The following AQR variants were observed in gnomAD, a reference collection of about 807,000 sequenced individuals.
AQR encodes RNA helicase aquarius.
AQR carries 61 observed loss-of-function variants against 180.5 expected under a neutral mutation model. The observed-to-expected ratio is 0.34, with a 90% CI of 0.28 to 0.42. The LOEUF is 0.42. AQR is among the 10% of genes least tolerant of loss of function. The pLI, the probability that AQR is intolerant of heterozygous loss-of-function variation, is 1.00. For synonymous variants in AQR, 551 were observed against 588.8 expected (o/e 0.94, Z 0.93); for missense variants, 1,281 against 1,798.3 (o/e 0.71, Z 5.20).
intron 13 of AQR, among the ~76,000 whole-genome samples, chr15:34,923,088 C>A (rs1032698942): frequency 4.6e-5 from 7 of 152,120 alleles, no homozygotes; most frequent in African/African-American, 1.7e-4. Flanking sequence ...AATAAGATAT[C>A]TTGAGAGAGA....
intron 5 of AQR, 128 bp downstream of exon 5, chr15:34,948,136 T>C (rs1894157205): frequency 9.6e-7 from 1 of 1,038,268 alleles, no homozygotes; most frequent in Non-Finnish European, 1.3e-6. Context: ...CCATTCTTTT[T>C]CTCAATATTT....
intron 13 of AQR, among the ~76,000 whole-genome samples, chr15:34,922,816 T>TAA (rs60385281): frequency 2.0e-5 from 3 of 148,032 alleles, no homozygotes; most frequent in Non-Finnish European, 3.0e-5. Flanking sequence ...CCTTATCCAT[T>TAA]AAAAAAAAAA....
intron 24 of AQR, among the ~76,000 whole-genome samples, chr15:34,888,625 A>C (rs1466093619): frequency 6.6e-6 from 1 of 152,038 alleles, no homozygotes; most frequent in Non-Finnish European, 1.5e-5. Flanking sequence ...TGAACCCAGG[A>C]AGCGGAGGTT....
At chr15:34,884,082 T>C (rs4614679) in intron 26 of AQR, among the ~76,000 whole-genome samples, 9,242 of 152,206 alleles carry the variant, frequency 0.061, 559 homozygotes, top group East Asian at 0.28. Flanking sequence ...CCAATTTATA[T>C]CTTACTTAAA....
intron 29 of AQR, 21 bp downstream of exon 29, chr15:34,874,654 ATT>A: frequency 6.2e-7 from 1 of 1,610,578 alleles, no homozygotes; most frequent in Admixed American, 1.7e-5. Flanking sequence ...AATGGGAATG[ATT>A]TTTTTTCCTG....
intron 5 of AQR, among the ~76,000 whole-genome samples, chr15:34,946,514 C>A (rs1374118664): frequency 7.0e-6 from 1 of 143,484 alleles, no homozygotes; most frequent in African/African-American, 2.6e-5. Flanking sequence ...CCAGCCGCCC[C>A]GTCCGGGAGG....
chr15:34,869,939 TG>T (rs765943250), intron 31 of AQR: 1 of 152,226 alleles, frequency 6.6e-6, no homozygotes, highest in Non-Finnish European at 1.5e-5. Flanking sequence ...TATGTTTTGC[TG>T]TTCTTCATTT....
At chr15:34,921,178 C>CT (rs1893678625) in intron 13 of AQR, among the ~76,000 whole-genome samples, 1 of 152,044 alleles carries the variant, frequency 6.6e-6, no homozygotes, top group Admixed American at 6.6e-5. Context: ...TGTCTCACAC[C>CT]TGTAATCCCA....
intron 5 of AQR, among the ~76,000 whole-genome samples, chr15:34,946,787 T>C (rs1262862275): frequency 7.5e-5 from 10 of 133,548 alleles, no homozygotes; most frequent in South Asian, 2.5e-4. Flanking sequence ...CCCGGCCAGC[T>C]GCCCCGTCCG....
In AQR at chr15:34,867,212, ATC is replaced by A. The variant is rs369234153; in HGVS notation, c.3854+310_3854+311del. Among the ~76,000 whole-genome samples the A allele has an allele frequency of 6.8e-3, 1,036 of 152,256 alleles. 8 individuals carry two copies. The highest frequency in any genetic ancestry group is 0.022 in the African/African-American group (914 of 41,558). On this transcript the variant is annotated intron_variant, in intron 32 of 34. Coordinates refer to ENST00000156471, the MANE Select transcript of AQR (RefSeq NM_014691.3). Reference sequence around the variant, plus strand: ...ATTTATTCTGAAGACTTTTTAGTTAATCTCCTTTAATTTCTGATATTAAGTTT... The same window carrying A: ...ATTTATTCTGAAGACTTTTTAGTTAATCCTTTAATTTCTGATATTAAGTTT...
chr15:34,934,722 TTAAA>T, intron 9 of AQR, 87 bp from the exon 10 acceptor site: 3 of 757,274 alleles, frequency 4.0e-6, no homozygotes, highest in South Asian at 4.6e-5. Flanking sequence ...ATTTAATAAC[TTAAA>T]TAAAGTCAAT....
At chr15:34,861,335 G>A (rs545867791) in intron 33 of AQR, among the ~76,000 whole-genome samples, 79 of 152,300 alleles carry the variant, frequency 5.2e-4, no homozygotes, top group African/African-American at 1.8e-3. Context: ...ACATGGAAGA[G>A]TTTTTGCTTG....
intron 4 of AQR, among the ~76,000 whole-genome samples, chr15:34,949,186 G>A (rs1012797137): frequency 6.6e-6 from 1 of 151,732 alleles, no homozygotes; most frequent in Non-Finnish European, 1.5e-5. Flanking sequence ...TAGAGACGGG[G>A]TTTCTCCATG....
chr15:34,966,925 G>T (rs1281540830), intron 1 of AQR, among the ~76,000 whole-genome samples: 1 of 119,464 alleles, frequency 8.4e-6, no homozygotes, highest in African/African-American at 3.3e-5. Context: ...TGCCCAGGCT[G>T]AAGTACAATG....
chr15:34,919,930 C>CA (rs544302159), intron 14 of AQR, among the ~76,000 whole-genome samples: 52 of 151,168 alleles, frequency 3.4e-4, no homozygotes, highest in Non-Finnish European at 6.3e-4. Flanking sequence ...AACAAAAAAA[C>CA]AAAAAAAGAA....
At chr15:34,940,757 G>A in intron 8 of AQR, 142 bp downstream of exon 8, 1 of 677,442 alleles carries the variant, frequency 1.5e-6, no homozygotes, top group Non-Finnish European at 2.6e-6. Flanking sequence ...TATTCTTAAT[G>A]ACAGTCTAGG....
At chr15:34,874,393 T>C in intron 29 of AQR, 1 of 383,804 alleles carries the variant, frequency 2.6e-6, no homozygotes, top group Non-Finnish European at 4.6e-6. Context: ...TTATATTAAC[T>C]GTATATCTTT....
At chr15:34,923,247 C>T (rs992500847) in intron 13 of AQR, among the ~76,000 whole-genome samples, 1 of 152,078 alleles carries the variant, frequency 6.6e-6, no homozygotes, top group Non-Finnish European at 1.5e-5. Context: ...GGGTTCAGTA[C>T]AATCTACAGT....
chr15:34,903,125 C>A (rs1287151825), intron 19 of AQR, among the ~76,000 whole-genome samples: 4 of 151,962 alleles, frequency 2.6e-5, no homozygotes, highest in Non-Finnish European at 5.9e-5. Context: ...TATGTAAATA[C>A]CTGGGGATAA....
Sources: gnomAD v4.1 joint callset for allele counts (sites outside exome capture counted in the v4.1 genomes callset) on GRCh38, gnomAD v4.1.1 for gene constraint, MANE v1.5 for transcripts, NCBI Gene and HGNC (gene_info 2026-07-23, HGNC 2026-07-21) for gene names.